Variants in GRK1 observed in about 807,000 individuals in gnomAD.
The protein encoded by GRK1 is rhodopsin kinase GRK1.
Under a neutral mutation model 41.7 loss-of-function variants are expected in GRK1, and 28 were observed. That is an observed-to-expected ratio of 0.67 (90% confidence interval 0.50 to 0.92). GRK1 has a LOEUF of 0.92. GRK1 is among the 40% of genes least tolerant of loss of function. The pLI is 0.00. For missense variants in GRK1, 703 were observed against 671.2 expected (o/e 1.05, Z -0.52); for synonymous variants, 327 against 286.7 (o/e 1.14, Z -1.42).
rs768220328 is a variant in GRK1, at chr13:113,735,372, C to G, written c.*9C>G. 1.3e-5 allele frequency: 19 copies of G among 1,480,364 alleles called. No homozygotes were observed. The highest frequency in any genetic ancestry group is 1.7e-5 in the Non-Finnish European group (19 of 1,116,612). The allele number at this position is 1,480,364 out of a possible 1,614,324, so 91.7% of individuals were successfully genotyped here. A position where few individuals can be genotyped will look rare whatever the true frequency, so the allele number is the denominator to read the frequency against. The stretch of plus-strand genomic sequence containing the variant: ...TGTGTCTGGTTTCCTAGGTGACGCC[C>G]CAGAGTCCACGTGGAGGAAAAGGAC... On this transcript the variant is annotated 3_prime_UTR_variant, in exon 7 of 7. Coordinates refer to ENST00000335678, the MANE Select transcript of GRK1 (RefSeq NM_002929.3).
Position 113,735,108 on chromosome 13 carries a change from C to T in GRK1, c.1437C>T (p.Val479=), listed in dbSNP as rs1168023829. The part of the protein sequence containing the change: ...MPPFIPDSKT[V]YAKDIQDVGA... ...CTTTCATCCCAGACTCCAAAACTGT[C>T]TACGCAAAGGATATTCAGGACGTGG... is the stretch of plus-strand genomic sequence containing the variant. Residue 479 remains valine (V), a synonymous_variant, in exon 7 of 7, where the codon GTC becomes GTT. Coordinates refer to ENST00000335678, the MANE Select transcript of GRK1 (RefSeq NM_002929.3). The T allele has an allele frequency of 1.3e-6, 2 of 1,534,712 alleles. No homozygotes were observed. Among genetic ancestry groups the T allele is most frequent in the East Asian group, 2.4e-5 (1 of 40,840 alleles).
At position 113,731,770 on chromosome 13, in the gene GRK1, C is replaced by T. The variant is rs2049939025; in HGVS notation, c.1194+427C>T. Among the ~76,000 whole-genome samples, 1 of 152,168 alleles carries T rather than the reference C, an allele frequency of 6.6e-6. No individual in the cohort carries two copies. Among genetic ancestry groups the T allele is most frequent in the South Asian group, 2.1e-4 (1 of 4,828 alleles). On this transcript the variant is annotated intron_variant, in intron 5 of 6. Transcript: ENST00000335678. This position sits in a 1 kb window ranked among gnomAD's most constrained non-coding sequence, Gnocchi z 5.6. ...TGTGGTTTGGGGTGGAGCTTCATCCCCTGGGGACTGGCGAGGCTGAGGCTG... is the reference window on the plus strand; with the variant it reads ...TGTGGTTTGGGGTGGAGCTTCATCCTCTGGGGACTGGCGAGGCTGAGGCTG...
the GRK1 span, among the ~76,000 whole-genome samples, chr13:113,662,014 G>T: frequency 6.6e-6 from 1 of 152,258 alleles, no homozygotes; most frequent in East Asian, 1.9e-4. Flanking sequence ...GACAAGGATA[G>T]TTCAAAAAAG....
At chr13:113,649,353 A>G in the GRK1 span, 6 of 1,583,900 alleles carry the variant, frequency 3.8e-6, no homozygotes, top group Non-Finnish European at 4.3e-6. The surrounding 1 kb of genome is among the most constrained non-coding windows in gnomAD (Gnocchi z 4.7). Context: ...AGGCGTGCCC[A>G]GGACCCCTGC....
At chr13:113,657,491 T>C in the GRK1 span, among the ~76,000 whole-genome samples, 1 of 152,222 alleles carries the variant, frequency 6.6e-6, no homozygotes, top group Non-Finnish European at 1.5e-5. Context: ...CCCGCGCCTC[T>C]GTGCAGCCAC....
the GRK1 span, chr13:113,652,847 G>A: frequency 7.2e-4 from 1,161 of 1,610,874 alleles, 9 homozygotes; most frequent in African/African-American, 0.014. Context: ...TTGTAGTGGC[G>A]TGTGAAGGAG....
Position 113,667,677 on chromosome 13 carries a change from G to C in GRK1, c.291G>C (p.Thr97=). ...GGAAAGACATCGAGGACTATGACAC[G>C]GCAGACAATGACCTCCAGCCACAGA... ...ELWKDIEDYD[T]ADNDLQPQKA... The change falls in exon 1 of 7, where the codon ACG becomes ACC. Residue 97 remains threonine, a synonymous_variant. Transcript: ENST00000335678. The surrounding 1 kb of genome is among the most constrained non-coding windows in gnomAD (Gnocchi z 7.5). The C allele has an allele frequency of 4.3e-6, 7 of 1,613,628 alleles. No homozygotes were observed. Among genetic ancestry groups the C allele is most frequent in the Non-Finnish European group, 5.9e-6 (7 of 1,179,906 alleles).
chr13:113,667,737 C>G lies in GRK1; in HGVS notation c.351C>G (p.Pro117=), dbSNP rs779487984. 2 of 1,613,798 alleles carry G rather than the reference C, an allele frequency of 1.2e-6. No individual in the cohort carries two copies. The highest frequency in any genetic ancestry group is 1.7e-6 in the Non-Finnish European group (2 of 1,179,884). ...AQTILAQYLD[P]QAKLFCSFLD... is the part of the protein sequence containing the mutation. ...CCATCCTGGCCCAGTACCTGGACCC[C>G]CAGGCCAAACTCTTCTGCAGCTTCC... Residue 117 remains proline, a synonymous_variant, in exon 1 of 7, where the codon CCC becomes CCG. Coordinates refer to ENST00000335678, the MANE Select transcript of GRK1 (RefSeq NM_002929.3). The surrounding 1 kb of genome is among the most constrained non-coding windows in gnomAD (Gnocchi z 7.5).
chr13:113,669,843 G>T, intron 2 of GRK1, 29 bp downstream of exon 2: 1 of 1,612,310 alleles, frequency 6.2e-7, no homozygotes, highest in Non-Finnish European at 8.5e-7. Context: ...GGCACGAGGG[G>T]GCCCCGCTGT....
At chr13:113,648,359 G>T in the GRK1 span, among the ~76,000 whole-genome samples, 1 of 152,174 alleles carries the variant, frequency 6.6e-6, no homozygotes, top group Non-Finnish European at 1.5e-5. Context: ...ACTTCGACGC[G>T]CCAGTCGCTT....
chr13:113,654,665 T>C, the GRK1 span: 1 of 1,270,968 alleles, frequency 7.9e-7, no homozygotes, highest in Non-Finnish European at 1.1e-6. Context: ...GGGCACCTGC[T>C]GGGGTGTGTG....
At chr13:113,657,773 T>G in the GRK1 span, among the ~76,000 whole-genome samples, 23 of 152,378 alleles carry the variant, frequency 1.5e-4, 1 homozygote, top group East Asian at 4.4e-3. Context: ...GGCTGACATT[T>G]GGGGCCAGTC....
chr13:113,667,157 C>A (rs1251807242), upstream of GRK1: 7 of 525,116 alleles, frequency 1.3e-5, no homozygotes, highest in African/African-American at 1.9e-5. The surrounding 1 kb of genome is among the most constrained non-coding windows in gnomAD (Gnocchi z 7.5). Flanking sequence ...TAAGCGTCCT[C>A]CGTGACCCCG....
intron 6 of GRK1, among the ~76,000 whole-genome samples, chr13:113,733,939 TGTGTGC>T (rs2049976613): frequency 7.2e-6 from 1 of 138,694 alleles, no homozygotes; most frequent in African/African-American, 3.2e-5. Flanking sequence ...TGTGCATACG[TGTGTGC>T]GTGTGTGTGC....
intron 4 of GRK1, among the ~76,000 whole-genome samples, chr13:113,724,783 C>T (rs2049880815): frequency 6.6e-6 from 1 of 152,238 alleles, no homozygotes; most frequent in African/African-American, 2.4e-5. Flanking sequence ...ATCCAAGCCT[C>T]TTTCTGGGTG....
intron 1 of GRK1, 70 bp downstream of exon 1, chr13:113,668,155 G>C: frequency 4.1e-6 from 6 of 1,475,888 alleles, no homozygotes; most frequent in Non-Finnish European, 5.5e-6. Context: ...GGGTGCAGAG[G>C]GCCCCCAGGT....
chr13:113,730,806 G>A (rs1046349891), intron 4 of GRK1, among the ~76,000 whole-genome samples: 8 of 152,248 alleles, frequency 5.3e-5, no homozygotes, highest in African/African-American at 1.9e-4. Context: ...TTCCCAGAAT[G>A]TGGAAGACCC....
At chr13:113,733,882 CGT>C (rs1331228248) in intron 6 of GRK1, among the ~76,000 whole-genome samples, 2 of 67,674 alleles carry the variant, frequency 3.0e-5, no homozygotes, top group South Asian at 7.5e-4. Context: ...TGTGTGCATA[CGT>C]GTGTGCGTGT....
chr13:113,649,738 A>T, the GRK1 span, among the ~76,000 whole-genome samples: 2 of 152,320 alleles, frequency 1.3e-5, no homozygotes, highest in East Asian at 3.9e-4. The surrounding 1 kb of genome is among the most constrained non-coding windows in gnomAD (Gnocchi z 4.7). Flanking sequence ...TCTGGAGGGG[A>T]CAGACAATAC....
Sources: allele counts gnomAD v4.1 joint callset (sites outside exome capture counted in the v4.1 genomes callset), GRCh38; gene constraint gnomAD v4.1.1; non-coding constraint Gnocchi (gnomAD v3.1); transcripts MANE v1.5; gene names NCBI Gene and HGNC (gene_info 2026-07-23, HGNC 2026-07-21).